The following BBS4 variants were observed in gnomAD, a reference collection of about 807,000 sequenced individuals.
BBS4 encodes BBSome complex member BBS4.
Under a neutral mutation model 71.4 loss-of-function variants are expected in BBS4, and 58 were observed. The observed-to-expected ratio is 0.81, with a 90% CI of 0.66 to 1.01. The LOEUF (loss-of-function observed/expected upper bound fraction) is 1.01. Among genes scored for constraint, BBS4 ranks in the 50% least tolerant of loss-of-function variants. BBS4 has a pLI of 0.00. For missense variants in BBS4, 660 were observed against 607.9 expected, an observed-to-expected ratio of 1.09 and a Z score of -0.90; for synonymous variants, 228 against 216.8, an observed-to-expected ratio of 1.05 and a Z score of -0.46.
rs1476462587 is a variant in BBS4 at position 72,736,906 on chromosome 15, A to C, written c.1393A>C (p.Asn465His). 3 of 1,614,198 alleles carry C rather than the reference A, an allele frequency of 1.9e-6. No individual in the cohort carries two copies. The South Asian group carries it at 3.3e-5, about 18-fold the overall frequency. ...CAGTTTCCAGCAGCCTCTGGGCTCT[A>C]ATCAAGCTCTAGGACAGGCAATGTC... is the stretch of plus-strand genomic sequence containing the variant. Reference protein sequence around the residue: ...PASFQQPLGSNQALGQAMSSA... With the variant: ...PASFQQPLGSHQALGQAMSSA... The change falls in exon 15 of 16, where the codon AAT becomes CAT. Residue 465 changes from asparagine (N) to histidine (H), a missense_variant. By Grantham distance (68) the Asn-to-His change is moderately conservative. Coordinates refer to ENST00000268057, the MANE Select transcript of BBS4 (RefSeq NM_033028.5).
chr15:72,737,282 A>ATATT, intron 15 of BBS4, among the ~76,000 whole-genome samples, 196 bp from the exon 16 acceptor site: 1 of 152,324 alleles, frequency 6.6e-6, no homozygotes. Context: ...TGACACGTAA[A>ATATT]TATTTTTCAG....
chr15:72,710,149 A>G (rs1281264304), intron 3 of BBS4, among the ~76,000 whole-genome samples: 6 of 146,386 alleles, frequency 4.1e-5, no homozygotes, highest in Admixed American at 1.4e-4. Flanking sequence ...AACTCAGCAT[A>G]TTAACTTTTT....
At position 72,727,969 on chromosome 15, in the gene BBS4, C is replaced by G; in HGVS notation, c.617C>G (p.Thr206Arg). ...TCACCAGAAAATACAGAGCTTCTTA[C>G]AACTTTAGGATTACTCTACTTACAG... ...EFSPENTELL[T>R]TLGLLYLQLG... The change falls in exon 9 of 16, where the codon ACA becomes AGA. Residue 206 changes from threonine to arginine, a missense_variant. Physicochemically the swap from Thr to Arg is moderately conservative, Grantham distance 71. Transcript: ENST00000268057. 3 of 1,612,566 alleles carry G rather than the reference C, an allele frequency of 1.9e-6. No individual in the cohort carries two copies. The highest frequency in any genetic ancestry group is 1.7e-6 in the Non-Finnish European group (2 of 1,178,626).
intron 2 of BBS4, among the ~76,000 whole-genome samples, chr15:72,699,288 A>G (rs1255420409): frequency 3.3e-5 from 5 of 151,996 alleles, no homozygotes; most frequent in African/African-American, 1.2e-4. Context: ...GGGTTTCACT[A>G]TGTTGGCCAG....
At chr15:72,726,312 A>G (rs1185277760) in intron 8 of BBS4, among the ~76,000 whole-genome samples, 1 of 151,852 alleles carries the variant, frequency 6.6e-6, no homozygotes, top group Non-Finnish European at 1.5e-5. Context: ...GGGTTTCACC[A>G]TGTTGGTCAG....
intron 1 of BBS4, among the ~76,000 whole-genome samples, chr15:72,694,302 T>G (rs894158521): frequency 2.6e-5 from 4 of 151,910 alleles, no homozygotes; most frequent in African/African-American, 9.7e-5. Flanking sequence ...GCCATTCTCC[T>G]GCCTCAGCCT....
In BBS4 at chr15:72,715,484, C is replaced by A. The variant is rs181840015; in HGVS notation, c.332+82C>A. ...ATTCCTAGGTCCAGCCTGCTGCTGGCAGCTGCATCAGCCTGATACACAAGT... is the reference window on the plus strand; with the variant it reads ...ATTCCTAGGTCCAGCCTGCTGCTGGAAGCTGCATCAGCCTGATACACAAGT... On this transcript the variant is annotated intron_variant, in intron 5 of 15. Coordinates refer to ENST00000268057, the MANE Select transcript of BBS4 (RefSeq NM_033028.5). 3.4e-5 allele frequency: 32 copies of A among 927,550 alleles called. 1 individual carries two copies. In the Admixed American group the frequency reaches 5.3e-4, roughly 15 times the overall value. 57.5% of individuals were successfully genotyped at this position (927,550 alleles called of 1,614,324 possible). A position where few individuals can be genotyped will look rare whatever the true frequency, so the allele number is the denominator to read the frequency against.
At position 72,737,569 on chromosome 15, in the gene BBS4, A is replaced by G. The variant is rs776244519; in HGVS notation, c.1542A>G (p.Glu514=). 1.5e-5 allele frequency: 24 copies of G among 1,608,988 alleles called. No individual in the cohort carries two copies. The highest frequency in any genetic ancestry group is 1.3e-4 in the South Asian group (12 of 89,770). The change falls in exon 16 of 16, where the codon GAA becomes GAG. Residue 514 remains glutamate, a synonymous_variant. Coordinates refer to ENST00000268057, the MANE Select transcript of BBS4 (RefSeq NM_033028.5). ...AVESSPTETS[E]QIREK is the part of the protein sequence containing the mutation. ...AATCAAGTCCAACTGAAACATCAGAACAAATAAGAGAGAAATAAGAATAGA... is the reference window on the plus strand; with the variant it reads ...AATCAAGTCCAACTGAAACATCAGAGCAAATAAGAGAGAAATAAGAATAGA...
chr15:72,713,164 A>G (rs1795199875), intron 4 of BBS4, among the ~76,000 whole-genome samples: 1 of 151,862 alleles, frequency 6.6e-6, no homozygotes, highest in Non-Finnish European at 1.5e-5. Flanking sequence ...CCTTTATGCT[A>G]TTCTTAAAAC....
chr15:72,695,506 C>G (rs1021835819), intron 2 of BBS4, among the ~76,000 whole-genome samples: 1 of 152,132 alleles, frequency 6.6e-6, no homozygotes, highest in Non-Finnish European at 1.5e-5. Context: ...AGGCTGGTCT[C>G]GAACTCCTGA....
At chr15:72,734,891 A>G (rs529933932) in intron 12 of BBS4, among the ~76,000 whole-genome samples, 34 of 152,306 alleles carry the variant, frequency 2.2e-4, no homozygotes, top group African/African-American at 7.9e-4. Flanking sequence ...GGGCCTGAAC[A>G]AGGGCAGTGT....
At position 72,731,691 on chromosome 15, in the gene BBS4, A is replaced by G. The variant is rs2065827974; in HGVS notation, c.1001A>G (p.Gln334Arg). 1 of 1,614,112 alleles carries G rather than the reference A, an allele frequency of 6.2e-7. No individual in the cohort carries two copies. Among genetic ancestry groups the G allele is most frequent in the South Asian group, 1.1e-5 (1 of 91,082 alleles). The change falls in exon 12 of 16, where the codon CAG (glutamine) becomes CGG (arginine). Residue 334 changes from glutamine to arginine, a missense_variant. Gln to Arg is a conservative substitution (Grantham distance 43). Coordinates refer to ENST00000268057, the MANE Select transcript of BBS4 (RefSeq NM_033028.5). ...FHFLSAAINF[Q>R]PKMGELYMLL... ...TTTCTCAGTGCGGCCATCAACTTCC[A>G]GCCAAAGATGGGGGAGCTCTACATG... is the stretch of plus-strand genomic sequence containing the variant.
intron 1 of BBS4, among the ~76,000 whole-genome samples, chr15:72,690,492 G>A (rs982438693): frequency 6.6e-6 from 1 of 152,140 alleles, no homozygotes; most frequent in Admixed American, 6.5e-5. Context: ...GGTGCTTTTT[G>A]AGTCTTTAAC....
In BBS4 at chr15:72,738,081, A is replaced by G. The variant is rs2065962709; in HGVS notation, c.*494A>G. 2 of 453,702 alleles carry G rather than the reference A, an allele frequency of 4.4e-6. No homozygotes were observed. Among genetic ancestry groups the G allele is most frequent in the African/African-American group, 2.0e-5 (1 of 49,962 alleles). 28.1% of individuals were successfully genotyped at this position (453,702 alleles called of 1,614,324 possible). On this transcript the variant is annotated 3_prime_UTR_variant, in exon 16 of 16. Coordinates refer to ENST00000268057, the MANE Select transcript of BBS4 (RefSeq NM_033028.5). ...ATTAGATTAATAATCCAACTTTAAT[A>G]GTATACATTTAAAAGAAAAAAAACA...
chr15:72,690,290 A>G (rs1306636108), intron 1 of BBS4, among the ~76,000 whole-genome samples: 1 of 152,208 alleles, frequency 6.6e-6, no homozygotes, highest in East Asian at 1.9e-4. Flanking sequence ...GGATGAATAA[A>G]TGATCATAAA....
At chr15:72,735,530 C>T in intron 13 of BBS4, 1 of 532,390 alleles carries the variant, frequency 1.9e-6, no homozygotes, top group Non-Finnish European at 3.4e-6. Context: ...CCAGGATTTA[C>T]TCCGCTGGCA....
chr15:72,727,266 C>T (rs760145928), intron 8 of BBS4, among the ~76,000 whole-genome samples: 13 of 152,152 alleles, frequency 8.5e-5, no homozygotes, highest in Non-Finnish European at 1.8e-4. Context: ...GTCTGATGAT[C>T]CTATGGTCAG....
At chr15:72,701,895 TG>T (rs1301680131) in intron 2 of BBS4, among the ~76,000 whole-genome samples, 10 of 152,184 alleles carry the variant, frequency 6.6e-5, no homozygotes, top group African/African-American at 2.4e-4. Flanking sequence ...TGGAGTGCAG[TG>T]GTGCGATTTC....
intron 2 of BBS4, among the ~76,000 whole-genome samples, chr15:72,700,623 C>CT (rs1332326158): frequency 6.6e-6 from 1 of 152,038 alleles, no homozygotes; most frequent in East Asian, 1.9e-4. Flanking sequence ...TTTTAAATTT[C>CT]TTTTTTCCTT....
Sources: allele counts gnomAD v4.1 joint callset (sites outside exome capture counted in the v4.1 genomes callset), GRCh38; gene constraint gnomAD v4.1.1; transcripts MANE v1.5; gene names NCBI Gene and HGNC (gene_info 2026-07-23, HGNC 2026-07-21).